RIMBP2: variants seen among roughly 807,000 people sequenced by gnomAD.
RIMBP2 encodes the protein RIMS-binding protein 2.
RIMBP2 carries 48 observed loss-of-function variants against 118.6 expected under a neutral mutation model. The ratio of observed to expected loss-of-function variants is 0.40; its 90% CI spans 0.32 to 0.51. RIMBP2 has a LOEUF of 0.51. Among genes scored for constraint, RIMBP2 ranks in the 20% least tolerant of loss-of-function variants. RIMBP2 has a pLI of 0.41. For synonymous variants in RIMBP2, 762 were observed against 742.9 expected (o/e 1.03, Z -0.42); for missense variants, 1,551 against 1,768.3 (o/e 0.88, Z 2.20).
At position 130,638,764 on chromosome 12, in the gene RIMBP2, T is replaced by TA. The variant is rs565601408; in HGVS notation, c.-351-10309dup. On this transcript the variant is annotated intron_variant, in intron 1 of 22. Coordinates refer to ENST00000690449, the MANE Select transcript of RIMBP2 (RefSeq NM_001393629.1). ...GAAAAGGCAAAACTATGGAGATCGT[T>TA]AAAAAAAAAAAAATTAGTGGTTGCC... Among the ~76,000 whole-genome samples the TA allele has an allele frequency of 2.3e-3, 327 of 144,942 alleles. 1 individual carries two copies. The highest frequency in any genetic ancestry group is 3.6e-3 in the Middle Eastern group (1 of 278).
intron 2 of RIMBP2, among the ~76,000 whole-genome samples, chr12:130,591,702 A>AC (rs1156804220): frequency 2.0e-5 from 3 of 151,992 alleles, no homozygotes; most frequent in Non-Finnish European, 4.4e-5. Context: ...CTTTGGGTTT[A>AC]CCACCCACCC....
In RIMBP2 at chr12:130,469,733, C is replaced by T. The variant is rs554697876; in HGVS notation, c.153+960G>A. Among the ~76,000 whole-genome samples, 2 of 152,314 alleles carry T rather than the reference C, an allele frequency of 1.3e-5. No individual in the cohort carries two copies. The highest frequency in any genetic ancestry group is 4.1e-4 in the South Asian group (2 of 4,826). ...GCCCGTTTTAAGTGGCTGCTGCTCCCCCAGGGACACAGGACAAGGTCATTC... is the reference window on the plus strand; with the variant it reads ...GCCCGTTTTAAGTGGCTGCTGCTCCTCCAGGGACACAGGACAAGGTCATTC... On this transcript the variant is annotated intron_variant, in intron 6 of 22. Coordinates refer to ENST00000690449, the MANE Select transcript of RIMBP2 (RefSeq NM_001393629.1). The surrounding 1 kb of genome is among the most constrained non-coding windows in gnomAD (Gnocchi z 4.8).
intron 2 of RIMBP2, among the ~76,000 whole-genome samples, chr12:130,526,526 T>C (rs761680985): frequency 2.6e-5 from 4 of 152,242 alleles, no homozygotes; most frequent in Admixed American, 6.5e-5. Flanking sequence ...AAATATCATA[T>C]GACACATTAA....
chr12:130,431,486 T>G lies in RIMBP2; in HGVS notation c.2254-3149A>C, dbSNP rs1194769369. ...GAATGTATTCTTTGAATTGAATCAATATTTAACGTTACTTTTAAAGAAAAT... is the reference window on the plus strand; with the variant it reads ...GAATGTATTCTTTGAATTGAATCAAGATTTAACGTTACTTTTAAAGAAAAT... On this transcript the variant is annotated intron_variant, in intron 14 of 22. Transcript: ENST00000690449. The surrounding 1 kb of genome is among the most constrained non-coding windows in gnomAD (Gnocchi z 4.0). 2.8e-6 allele frequency: 1 copy of G among 361,648 alleles called. No individual in the cohort carries two copies. Among genetic ancestry groups the G allele is most frequent in the Non-Finnish European group, 5.8e-6 (1 of 172,892 alleles). 22.4% of individuals were successfully genotyped at this position (361,648 alleles called of 1,614,324 possible).
chr12:130,620,591 C>T lies in RIMBP2; in HGVS notation c.-217+7731G>A, dbSNP rs529573032. ...GTCGGCAGGGCTGCTCCTCAGGTCA[C>T]AGGCAGGCTCTGCCCGTGCCTGTCC... On this transcript the variant is annotated intron_variant, in intron 2 of 22. Transcript: ENST00000690449. The surrounding 1 kb of genome is among the most constrained non-coding windows in gnomAD (Gnocchi z 5.3). Among the ~76,000 whole-genome samples, 53 of 152,316 alleles carry T rather than the reference C, an allele frequency of 3.5e-4. 1 individual carries two copies. In the East Asian group the frequency reaches 5.8e-3, roughly 17 times the overall value.
chr12:130,413,687 C>T (rs1593212800), intron 18 of RIMBP2, among the ~76,000 whole-genome samples: 2 of 149,084 alleles, frequency 1.3e-5, no homozygotes. Context: ...TAGGAAACAA[C>T]CTCCATCAGG....
In RIMBP2 at chr12:130,446,569, C is replaced by T. The variant is rs1248300399; in HGVS notation, c.582-1300G>A. 1.3e-5 allele frequency among the ~76,000 whole-genome samples: 2 copies of T among 152,152 alleles called. No homozygotes were observed. Among genetic ancestry groups the T allele is most frequent in the Non-Finnish European group, 2.9e-5 (2 of 68,042 alleles). On this transcript the variant is annotated intron_variant, in intron 9 of 22. Coordinates refer to ENST00000690449, the MANE Select transcript of RIMBP2 (RefSeq NM_001393629.1). The surrounding 1 kb of genome is among the most constrained non-coding windows in gnomAD (Gnocchi z 4.1). ...AAGACCCTGACAGCACCCAGCAGGTCAGCCTAGAGGGCTGTGCACCAGGAA... is the reference window on the plus strand; with the variant it reads ...AAGACCCTGACAGCACCCAGCAGGTTAGCCTAGAGGGCTGTGCACCAGGAA...
intron 1 of RIMBP2, among the ~76,000 whole-genome samples, chr12:130,662,506 AC>A (rs2063706206): frequency 6.6e-6 from 1 of 152,054 alleles, no homozygotes; most frequent in Non-Finnish European, 1.5e-5. Flanking sequence ...AAATTCAAAA[AC>A]TAGCTGGGCA....
At chr12:130,459,495 A>G (rs2079783659) in intron 6 of RIMBP2, among the ~76,000 whole-genome samples, 1 of 152,064 alleles carries the variant, frequency 6.6e-6, no homozygotes, top group African/African-American at 2.4e-5. Flanking sequence ...CTTCAAAATA[A>G]AGTTTTCAGA....
At chr12:130,418,866 G>C (rs1185177913) in intron 17 of RIMBP2, among the ~76,000 whole-genome samples, 2 of 152,132 alleles carry the variant, frequency 1.3e-5, no homozygotes, top group Admixed American at 6.5e-5. Context: ...GCCACACCAC[G>C]GGAGGCATTT....
chr12:130,568,228 G>A (rs1487114350), intron 2 of RIMBP2, among the ~76,000 whole-genome samples: 1 of 152,228 alleles, frequency 6.6e-6, no homozygotes, highest in African/African-American at 2.4e-5. Context: ...AACCTTGCAA[G>A]AGGGGAGACC....
chr12:130,652,892 G>A (rs1286884778), intron 1 of RIMBP2, among the ~76,000 whole-genome samples: 2 of 152,130 alleles, frequency 1.3e-5, no homozygotes, highest in Non-Finnish European at 2.9e-5. Flanking sequence ...CAGATCTCAC[G>A]TGAACTAACC....
intron 18 of RIMBP2, among the ~76,000 whole-genome samples, chr12:130,413,175 C>T (rs144902997): frequency 1.2e-3 from 180 of 152,296 alleles, no homozygotes; most frequent in African/African-American, 4.0e-3. Flanking sequence ...TGGGTTCCTA[C>T]GTAACAAGAT....
At chr12:130,600,068 C>A (rs1257289578) in intron 2 of RIMBP2, among the ~76,000 whole-genome samples, 5 of 152,184 alleles carry the variant, frequency 3.3e-5, no homozygotes, top group Non-Finnish European at 7.3e-5. Flanking sequence ...TCTGGAGTTG[C>A]CCCACCTTTC....
intron 2 of RIMBP2, among the ~76,000 whole-genome samples, chr12:130,589,244 T>G (rs549924237): frequency 1.3e-5 from 2 of 152,220 alleles, no homozygotes; most frequent in Non-Finnish European, 2.9e-5. Flanking sequence ...CATCAAAAGA[T>G]TCTTACATAC....
intron 1 of RIMBP2, among the ~76,000 whole-genome samples, chr12:130,632,377 T>C (rs1206119257): frequency 6.7e-6 from 1 of 149,566 alleles, no homozygotes; most frequent in African/African-American, 2.5e-5. Context: ...CACGATAATC[T>C]GCAAGTGATG....
At chr12:130,590,491 A>T (rs1358253886) in intron 2 of RIMBP2, among the ~76,000 whole-genome samples, 3 of 152,224 alleles carry the variant, frequency 2.0e-5, no homozygotes, top group Non-Finnish European at 4.4e-5. Flanking sequence ...TGAAGTCTTC[A>T]ATCCACCCAA....
At chr12:130,634,027 C>A (rs370545795) in intron 1 of RIMBP2, among the ~76,000 whole-genome samples, 1 of 152,206 alleles carries the variant, frequency 6.6e-6, no homozygotes, top group Non-Finnish European at 1.5e-5. Context: ...GAATGGGAGC[C>A]GTTGGCACAC....
intron 4 of RIMBP2, among the ~76,000 whole-genome samples, chr12:130,503,680 T>C (rs2050025803): frequency 6.6e-6 from 1 of 152,236 alleles, no homozygotes; most frequent in South Asian, 2.1e-4. Flanking sequence ...CAGCACGCCA[T>C]GCTTTGTTTT....
Sources: allele counts gnomAD v4.1 joint callset (sites outside exome capture counted in the v4.1 genomes callset), GRCh38; gene constraint gnomAD v4.1.1; non-coding constraint Gnocchi (gnomAD v3.1); transcripts MANE v1.5; gene names NCBI Gene and HGNC (gene_info 2026-07-23, HGNC 2026-07-21).